The following SRRM3 variants were observed in gnomAD, a reference collection of about 807,000 sequenced individuals.
SRRM3 encodes the protein serine/arginine repetitive matrix protein 3.
A neutral mutation model predicts 66.2 loss-of-function variants in SRRM3; 27 were observed. The observed-to-expected ratio is 0.41, with a 90% CI of 0.30 to 0.56. The LOEUF is 0.56. Ranked by LOEUF, SRRM3 falls within the 20% of genes least tolerant of loss-of-function variation. SRRM3 has a pLI of 0.32. For synonymous variants in SRRM3, 391 were observed against 414.9 expected (o/e 0.94, Z 0.70); for missense variants, 918 against 991.9 (o/e 0.93, Z 1.00).
intron 11 of SRRM3, among the ~76,000 whole-genome samples, chr7:76,280,626 G>A (rs1802471739): frequency 6.7e-6 from 1 of 149,258 alleles, no homozygotes; most frequent in African/African-American, 2.5e-5. Flanking sequence ...CCCTGCATGA[G>A]CTGCACTGTT....
rs1409209224 is a variant in SRRM3 at position 76,213,048 on chromosome 7, C to T, written c.-40+10981C>T. Among the ~76,000 whole-genome samples, 17 of 124,852 alleles carry T rather than the reference C, an allele frequency of 1.4e-4. 1 individual carries two copies. The East Asian group carries it at 2.3e-3, about 17-fold the overall frequency. 81.9% of individuals were successfully genotyped at this position (124,852 alleles called of 152,430 possible). ...TTTTTGAGACGGAGTCTCACTCTGT[C>T]GCCCAGGCTGGAGTGCAATGGCGTG... On this transcript the variant is annotated intron_variant, in intron 1 of 14. Transcript: ENST00000611745.
At chr7:76,273,547 CCTT>C (rs1802263601) in intron 11 of SRRM3, 1 of 152,128 alleles carries the variant, frequency 6.6e-6, no homozygotes, top group Non-Finnish European at 1.5e-5. Context: ...AATGCGGAGA[CCTT>C]CTTTTCTTTT....
intron 1 of SRRM3, among the ~76,000 whole-genome samples, chr7:76,223,460 G>A (rs1800773989): frequency 6.6e-6 from 1 of 152,216 alleles, no homozygotes; most frequent in Non-Finnish European, 1.5e-5. Context: ...GACACACCTA[G>A]ATTCCTTGGA....
intron 1 of SRRM3, among the ~76,000 whole-genome samples, chr7:76,222,466 C>T (rs1022478349): frequency 2.6e-5 from 4 of 151,366 alleles, no homozygotes; most frequent in Admixed American, 6.6e-5. Context: ...GCAAATCTGA[C>T]CTCCCCAGCT....
intron 1 of SRRM3, among the ~76,000 whole-genome samples, chr7:76,227,694 G>A (rs1554603865): frequency 1.3e-5 from 2 of 152,194 alleles, no homozygotes; most frequent in Non-Finnish European, 2.9e-5. Flanking sequence ...ACAGGGCCAT[G>A]ATGGGGTCAT....
At chr7:76,224,789 G>A (rs1800814294) in intron 1 of SRRM3, among the ~76,000 whole-genome samples, 1 of 152,012 alleles carries the variant, frequency 6.6e-6, no homozygotes. Flanking sequence ...GATCAGCTAG[G>A]GAGACTCACA....
chr7:76,249,498 G>A (rs1370948969), intron 3 of SRRM3, among the ~76,000 whole-genome samples: 3 of 152,216 alleles, frequency 2.0e-5, no homozygotes, highest in East Asian at 1.9e-4. Flanking sequence ...AAACGGGCAA[G>A]TTATAGCAAG....
At chr7:76,235,332 G>A (rs953965902) in intron 2 of SRRM3, 33 bp downstream of exon 2, 39 of 1,432,438 alleles carry the variant, frequency 2.7e-5, no homozygotes, top group Non-Finnish European at 3.2e-5. Context: ...CTGGGGTGGG[G>A]AGATAGGCGG....
At chr7:76,245,954 T>TCC (rs1801430500) in intron 2 of SRRM3, among the ~76,000 whole-genome samples, 2 of 152,082 alleles carry the variant, frequency 1.3e-5, no homozygotes, top group African/African-American at 4.8e-5. Context: ...CACCTCAGCC[T>TCC]CCCAAAGTGC....
chr7:76,266,525 T>TATATAAATATTTATATATTAC (rs1583928065), intron 10 of SRRM3, among the ~76,000 whole-genome samples: 2 of 111,804 alleles, frequency 1.8e-5, no homozygotes, highest in East Asian at 4.5e-4. Flanking sequence ...TTATATATTA[T>TATATAAATATTTATATATTAC]ATATTTAATA....
intron 11 of SRRM3, among the ~76,000 whole-genome samples, chr7:76,280,903 C>T (rs1802480100): frequency 6.6e-6 from 1 of 151,282 alleles, no homozygotes; most frequent in Non-Finnish European, 1.5e-5. Flanking sequence ...TCTCTCTCTT[C>T]GCTCTTTCTC....
chr7:76,229,797 G>A (rs1372501787), intron 1 of SRRM3, among the ~76,000 whole-genome samples: 2 of 146,382 alleles, frequency 1.4e-5, no homozygotes, highest in Non-Finnish European at 3.0e-5. Context: ...AGGCTGGAGT[G>A]CAGTGGTGCG....
chr7:76,261,454 C>T (rs1554608739), intron 7 of SRRM3, 40 bp downstream of exon 7: 1 of 1,599,150 alleles, frequency 6.3e-7, no homozygotes, highest in Admixed American at 1.7e-5. Context: ...CCTCTTCCTC[C>T]CGTGGGGCCC....
intron 11 of SRRM3, among the ~76,000 whole-genome samples, chr7:76,274,542 T>C (rs1802293854): frequency 6.6e-6 from 1 of 152,226 alleles, no homozygotes; most frequent in Non-Finnish European, 1.5e-5. Context: ...GGGCTCCTTC[T>C]ACCCTCAGCA....
chr7:76,249,474 G>T (rs564078414), intron 3 of SRRM3, among the ~76,000 whole-genome samples: 5 of 152,220 alleles, frequency 3.3e-5, no homozygotes, highest in Admixed American at 2.0e-4. Flanking sequence ...GGGCCTCTGG[G>T]TGGGCCTTGG....
chr7:76,203,841 C>T (rs188002842), intron 1 of SRRM3, among the ~76,000 whole-genome samples: 1 of 151,894 alleles, frequency 6.6e-6, no homozygotes. Context: ...CAGTTCAATG[C>T]CAGTGTCTTG....
At chr7:76,265,848 A>T (rs1563634534) in intron 10 of SRRM3, among the ~76,000 whole-genome samples, 9 of 9,426 alleles carry the variant, frequency 9.5e-4, no homozygotes, top group African/African-American at 3.1e-3. Flanking sequence ...ATATATATAT[A>T]TATATATATA....
At position 76,265,402 on chromosome 7, in the gene SRRM3, A is replaced by G. The variant is rs1331649434; in HGVS notation, c.764A>G (p.His255Arg). ...TCCCCAGGCCGGAGGTCTCATCGCCATAGCAGTGGCAGCTCCCACAGCCCC... is the reference window on the plus strand; with the variant it reads ...TCCCCAGGCCGGAGGTCTCATCGCCGTAGCAGTGGCAGCTCCCACAGCCCC... ...TESPGRRSHR[H>R]SSGSSHSPSL... Residue 255 changes from histidine to arginine, a missense_variant, in exon 10 of 15, where the codon CAT (histidine) becomes CGT (arginine). Transcript: ENST00000611745. 1.7e-5 allele frequency: 28 copies of G among 1,606,000 alleles called. No homozygotes were observed. The highest frequency in any genetic ancestry group is 2.1e-5 in the Non-Finnish European group (25 of 1,176,604).
Position 76,235,060 on chromosome 7 carries a change from A to T in SRRM3, c.-7A>T, listed in dbSNP as rs921186307. ...GGCCCAGGCCAGCGGCTCCAGGGCC[A>T]GCCACGATGTCCTCCACCGTGAACA... is the stretch of plus-strand genomic sequence containing the variant. On this transcript the variant is annotated 5_prime_UTR_variant, in exon 2 of 15. Transcript: ENST00000611745. 6 of 1,563,756 alleles carry T rather than the reference A, an allele frequency of 3.8e-6. No homozygotes were observed. The Admixed American group carries it at 5.6e-5, about 15-fold the overall frequency.
Sources: allele counts gnomAD v4.1 joint callset (sites outside exome capture counted in the v4.1 genomes callset), GRCh38; gene constraint gnomAD v4.1.1; transcripts MANE v1.5; gene names NCBI Gene and HGNC (gene_info 2026-07-23, HGNC 2026-07-21).